The following KIAA1958 variants were observed in gnomAD, a reference collection of about 807,000 sequenced individuals.
The protein encoded by KIAA1958 is KIAA1958, also known as uncharacterized protein KIAA1958.
Under a neutral mutation model 47.2 loss-of-function variants are expected in KIAA1958, and 14 were observed. That is an observed-to-expected ratio of 0.30 (90% CI 0.20 to 0.46). The LOEUF (loss-of-function observed/expected upper bound fraction) is 0.46, where lower values mean the gene tolerates loss of function less well. KIAA1958 is among the 20% of genes least tolerant of loss of function. The probability of loss-of-function intolerance (pLI) is 1.00; values close to 1 mark genes in which losing one functional copy is unlikely to be tolerated. For synonymous variants in KIAA1958, 354 were observed against 353.3 expected (o/e 1.00, Z -0.02); for missense variants, 803 against 909.2 (o/e 0.88, Z 1.50).
chr9:112,552,942 G>A (rs1835177944), intron 1 of KIAA1958, among the ~76,000 whole-genome samples: 1 of 152,120 alleles, frequency 6.6e-6, no homozygotes, highest in Non-Finnish European at 1.5e-5. Flanking sequence ...AGAGCGGGGA[G>A]CACTGAGCCT....
intron 2 of KIAA1958, among the ~76,000 whole-genome samples, chr9:112,590,947 G>A (rs1273475770): frequency 6.6e-6 from 1 of 152,092 alleles, no homozygotes; most frequent in African/African-American, 2.4e-5. Context: ...TGGGCTTTGT[G>A]CATTATAATT....
chr9:112,533,202 AT>A (rs1375482436), intron 1 of KIAA1958, among the ~76,000 whole-genome samples: 2 of 152,146 alleles, frequency 1.3e-5, no homozygotes, highest in South Asian at 2.1e-4. Flanking sequence ...AAAGTCTCTA[AT>A]TTTTTAAGGG....
At chr9:112,542,516 A>G (rs1355665084) in intron 1 of KIAA1958, among the ~76,000 whole-genome samples, 1 of 152,238 alleles carries the variant, frequency 6.6e-6, no homozygotes, top group Non-Finnish European at 1.5e-5. Context: ...AACTCTTTGC[A>G]TTTTACAAAT....
intron 2 of KIAA1958, among the ~76,000 whole-genome samples, chr9:112,597,202 A>T (rs1160419607): frequency 1.3e-5 from 2 of 152,192 alleles, no homozygotes; most frequent in Admixed American, 1.3e-4. Flanking sequence ...CAGTCTGCAG[A>T]GTCATATGCT....
At position 112,515,894 on chromosome 9, in the gene KIAA1958, TA is replaced by T. The variant is rs58492221; in HGVS notation, c.-25+28795del. On this transcript the variant is annotated intron_variant, in intron 1 of 3. Coordinates refer to ENST00000337530, the MANE Select transcript of KIAA1958 (RefSeq NM_133465.4). ...AAGAATTATCAATAAAAAAATAAAT[TA>T]AAAAAAAAAAAAAAAAAAGACTGAA... Among the ~76,000 whole-genome samples, 950 of 97,102 alleles carry T rather than the reference TA, an allele frequency of 9.8e-3. 10 individuals are homozygous for T. The highest frequency in any genetic ancestry group is 0.028 in the East Asian group (95 of 3,416). 63.7% of individuals were successfully genotyped at this position (97,102 alleles called of 152,430 possible).
intron 1 of KIAA1958, among the ~76,000 whole-genome samples, chr9:112,555,373 T>A (rs944169873): frequency 6.6e-6 from 1 of 152,222 alleles, no homozygotes; most frequent in African/African-American, 2.4e-5. Flanking sequence ...GAGAAACAAG[T>A]AAGACAGACA....
chr9:112,542,450 C>T (rs1451265170), intron 1 of KIAA1958, among the ~76,000 whole-genome samples: 1 of 152,024 alleles, frequency 6.6e-6, no homozygotes, highest in Non-Finnish European at 1.5e-5. Context: ...AAAATATTCA[C>T]ATTTATTGAA....
intron 3 of KIAA1958, among the ~76,000 whole-genome samples, 196 bp downstream of exon 3, chr9:112,646,018 C>G (rs1836969092): frequency 6.6e-6 from 1 of 151,326 alleles, no homozygotes; most frequent in Non-Finnish European, 1.5e-5. Context: ...ATTGGAAATG[C>G]CTGAAAAGTT....
intron 2 of KIAA1958, among the ~76,000 whole-genome samples, chr9:112,635,389 A>G (rs928125081): frequency 2.6e-5 from 4 of 152,036 alleles, no homozygotes; most frequent in African/African-American, 9.7e-5. Flanking sequence ...AGCTGAGACC[A>G]GAGATGCATG....
intron 2 of KIAA1958, among the ~76,000 whole-genome samples, chr9:112,613,630 G>GA: frequency 1.3e-5 from 1 of 76,400 alleles, no homozygotes; most frequent in Non-Finnish European, 2.9e-5. Context: ...TCTACAAACA[G>GA]AAAAAAGCAG....
intron 1 of KIAA1958, among the ~76,000 whole-genome samples, chr9:112,508,429 G>T (rs1834268882): frequency 6.6e-6 from 1 of 152,178 alleles, no homozygotes; most frequent in African/African-American, 2.4e-5. Context: ...TAAAGAGGGA[G>T]AATTCATTAT....
At chr9:112,577,482 G>T (rs1469272538) in intron 2 of KIAA1958, among the ~76,000 whole-genome samples, 4 of 151,022 alleles carry the variant, frequency 2.6e-5, no homozygotes, top group African/African-American at 7.3e-5. Context: ...CACTTAAATG[G>T]TTATGAACCT....
At chr9:112,564,784 G>A (rs1835399841) in intron 1 of KIAA1958, among the ~76,000 whole-genome samples, 1 of 151,986 alleles carries the variant, frequency 6.6e-6, no homozygotes, top group Non-Finnish European at 1.5e-5. Flanking sequence ...TAATTTATAG[G>A]GAACCAGACT....
At chr9:112,575,314 C>A in intron 2 of KIAA1958, 63 bp downstream of exon 2, 2 of 1,165,162 alleles carry the variant, frequency 1.7e-6, no homozygotes, top group Non-Finnish European at 2.4e-6. Flanking sequence ...GCGCCGTCAG[C>A]ACTTCTAAAA....
intron 1 of KIAA1958, among the ~76,000 whole-genome samples, chr9:112,538,867 C>T (rs1834896336): frequency 6.6e-6 from 1 of 152,100 alleles, no homozygotes; most frequent in Non-Finnish European, 1.5e-5. Flanking sequence ...CATTGATCCT[C>T]ACAAAAAACT....
chr9:112,661,719 T>C lies in KIAA1958; in HGVS notation c.*1650T>C, dbSNP rs1837279599. 1.3e-5 allele frequency: 2 copies of C among 152,232 alleles called. No homozygotes were observed. Among genetic ancestry groups the C allele is most frequent in the Admixed American group, 1.3e-4 (2 of 15,286 alleles). 9.4% of individuals were successfully genotyped at this position (152,232 alleles called of 1,614,324 possible). On this transcript the variant is annotated 3_prime_UTR_variant, in exon 4 of 4. Transcript: ENST00000337530. ...TATAAGTTTGTTTACTAGTTGACCT[T>C]TCCTGAATAGAGATTAGTTTCGGCA...
intron 1 of KIAA1958, among the ~76,000 whole-genome samples, chr9:112,558,865 T>C (rs1835284456): frequency 6.6e-6 from 1 of 152,180 alleles, no homozygotes; most frequent in Non-Finnish European, 1.5e-5. Flanking sequence ...CTAGTGAAGA[T>C]ATAAGAATTA....
chr9:112,491,229 G>A (rs527425477), intron 1 of KIAA1958, among the ~76,000 whole-genome samples: 5 of 152,334 alleles, frequency 3.3e-5, no homozygotes, highest in South Asian at 4.1e-4. Flanking sequence ...GCCTCCCAAA[G>A]TGCTAGGATT....
chr9:112,536,401 A>G (rs946964186), intron 1 of KIAA1958, among the ~76,000 whole-genome samples: 7 of 152,334 alleles, frequency 4.6e-5, no homozygotes, highest in African/African-American at 1.7e-4. Context: ...AAGACAAGAT[A>G]TCAAATATTT....
Sources: allele counts gnomAD v4.1 joint callset (sites outside exome capture counted in the v4.1 genomes callset), GRCh38; gene constraint gnomAD v4.1.1; transcripts MANE v1.5; gene names NCBI Gene and HGNC (gene_info 2026-07-23, HGNC 2026-07-21).